EXD3: variants seen among roughly 807,000 people sequenced by gnomAD.
EXD3 encodes exonuclease mut-7 homolog.
EXD3 carries 92 observed loss-of-function variants against 98.0 expected under a neutral mutation model. The observed-to-expected ratio is 0.94, with a 90% CI of 0.79 to 1.12. The LOEUF (loss-of-function observed/expected upper bound fraction) is 1.12, where lower values mean the gene tolerates loss of function less well. EXD3 is among the 50% of genes most tolerant of loss of function. The pLI is 0.00. For missense variants in EXD3, 1,222 were observed against 1,191.6 expected (o/e 1.03, Z -0.38); for synonymous variants, 569 against 526.0 (o/e 1.08, Z -1.12).
In EXD3 at chr9:137,320,490, C is replaced by CGCT. The variant is rs1419355100; in HGVS notation, c.2184+3232_2184+3234dup. On this transcript the variant is annotated intron_variant, in intron 19 of 21. Coordinates refer to ENST00000340951, the MANE Select transcript of EXD3 (RefSeq NM_017820.5). ...CTACCTGCAGCCCCCCTGGGCCTGG[C>CGCT]GCTCCTGCTTGCCACAGCAGGGGCA... is the stretch of plus-strand genomic sequence containing the variant. Among the ~76,000 whole-genome samples the CGCT allele has an allele frequency of 3.9e-5, 6 of 152,334 alleles. No individual in the cohort carries two copies. The East Asian group carries it at 9.6e-4, about 24-fold the overall frequency.
intron 1 of EXD3, among the ~76,000 whole-genome samples, chr9:137,399,915 C>T (rs1001366501): frequency 2.0e-5 from 3 of 151,470 alleles, no homozygotes; most frequent in African/African-American, 7.3e-5. Context: ...TGGTGCCTCC[C>T]AGGTACTCAG....
At chr9:137,336,656 T>TAAA (rs34705760) in intron 17 of EXD3, among the ~76,000 whole-genome samples, 31 of 112,558 alleles carry the variant, frequency 2.8e-4, no homozygotes, top group Middle Eastern at 4.8e-3. Context: ...AGACTCCGTC[T>TAAA]AAAAAAAAAA....
intron 3 of EXD3, chr9:137,374,713 G>A (rs935150497): frequency 3.5e-5 from 34 of 985,394 alleles, no homozygotes; most frequent in Admixed American, 3.1e-4. Context: ...GATGCCCCTC[G>A]GGGAAAGTGG....
intron 1 of EXD3, among the ~76,000 whole-genome samples, chr9:137,398,781 C>A (rs1837343519): frequency 6.8e-6 from 1 of 147,464 alleles, no homozygotes; most frequent in South Asian, 2.2e-4. Context: ...CCCCGTGACA[C>A]ACAGGCACCC....
In EXD3 at chr9:137,368,048, G is replaced by A. The variant is rs543251769; in HGVS notation, c.463-59C>T. The A allele has an allele frequency of 2.9e-4, 405 of 1,413,272 alleles. 1 individual carries two copies. The East Asian group carries it at 8.8e-3, about 31-fold the overall frequency. The allele number at this position is 1,413,272 out of a possible 1,614,324, so 87.5% of individuals were successfully genotyped here. ...CCTGGGAGGGGCCAGGCAGCACGGC[G>A]GGTGAGGGGGCTACCACCCTTTTGC... On this transcript the variant is annotated intron_variant, in intron 5 of 21. Transcript: ENST00000340951.
At chr9:137,409,265 C>T (rs761099038) in intron 1 of EXD3, among the ~76,000 whole-genome samples, 3 of 152,338 alleles carry the variant, frequency 2.0e-5, no homozygotes, top group African/African-American at 4.8e-5. Flanking sequence ...CAGGACCCTT[C>T]GGAGTCCCAC....
At chr9:137,336,226 C>T (rs1292816326) in intron 17 of EXD3, among the ~76,000 whole-genome samples, 1 of 152,152 alleles carries the variant, frequency 6.6e-6, no homozygotes, top group Non-Finnish European at 1.5e-5. Context: ...AGTAACGTAT[C>T]AGACTTCATC....
chr9:137,412,151 G>A (rs1838035139), intron 1 of EXD3, among the ~76,000 whole-genome samples: 1 of 152,244 alleles, frequency 6.6e-6, no homozygotes, highest in Non-Finnish European at 1.5e-5. Flanking sequence ...GGGGGCTGGA[G>A]GCCGGCCTGA....
At chr9:137,390,013 TC>T (rs1564200856) in intron 2 of EXD3, among the ~76,000 whole-genome samples, 1 of 144,500 alleles carries the variant, frequency 6.9e-6, no homozygotes, top group Non-Finnish European at 1.5e-5. Flanking sequence ...TCCCAGCTAC[TC>T]AGGAAGCTGA....
At position 137,383,372 on chromosome 9, in the gene EXD3, C is replaced by A. The variant is rs1199505777; in HGVS notation, c.61G>T (p.Asp21Tyr). The part of the protein sequence containing the change: ...AAGERHRMGR[D>Y]PLLLLQALQT... ...AGGGCCTGCAGGAGCAGGAGGGGGT[C>A]CCGGCCTGTGGAGATAAGATAACAG... Residue 21 changes from aspartate (D) to tyrosine (Y), a missense_variant, in exon 3 of 22, where the codon GAC becomes TAC. Coordinates refer to ENST00000340951, the MANE Select transcript of EXD3 (RefSeq NM_017820.5). 6.5e-7 allele frequency: 1 copy of A among 1,549,834 alleles called. No homozygotes were observed. The highest frequency in any genetic ancestry group is 1.2e-5 in the South Asian group (1 of 83,908).
At chr9:137,340,885 T>G (rs1022850116) in intron 17 of EXD3, among the ~76,000 whole-genome samples, 1 of 152,142 alleles carries the variant, frequency 6.6e-6, no homozygotes, top group African/African-American at 2.4e-5. Flanking sequence ...CAAGCAACAC[T>G]GAATTGGTGA....
chr9:137,337,113 A>G (rs1384707327), intron 17 of EXD3, among the ~76,000 whole-genome samples: 1 of 152,208 alleles, frequency 6.6e-6, no homozygotes, highest in Non-Finnish European at 1.5e-5. Context: ...AATGTTAGTT[A>G]AAATATATTT....
chr9:137,406,548 C>T (rs528190274), intron 1 of EXD3, among the ~76,000 whole-genome samples: 1 of 152,314 alleles, frequency 6.6e-6, no homozygotes, highest in East Asian at 1.9e-4. Flanking sequence ...CCTGGCGTGC[C>T]CCGTGGCCGT....
chr9:137,390,737 G>C (rs9722971), intron 2 of EXD3, among the ~76,000 whole-genome samples: 70,595 of 152,010 alleles, frequency 0.46, 16,614 homozygotes, highest in Middle Eastern at 0.52. Context: ...CACAGCCCGA[G>C]GTTTGGCTCC....
rs200921596 is a variant in EXD3, at chr9:137,395,314, C to G, written c.44G>C (p.Arg15Pro). ...DPAGDPAAGERHRMGRDPLLL... is the reference protein window; with the variant it reads ...DPAGDPAAGEPHRMGRDPLLL... ...AGGCTCAGACTCACCCATGCGGTGG[C>G]GCTCGCCAGCGGCAGGGTCACCAGC... The change falls in exon 2 of 22, where the codon CGC becomes CCC. Residue 15 changes from arginine (R) to proline (P), a missense_variant. Coordinates refer to ENST00000340951, the MANE Select transcript of EXD3 (RefSeq NM_017820.5). The surrounding 1 kb of genome is among the most constrained non-coding windows in gnomAD (Gnocchi z 6.5). The G allele has an allele frequency of 6.2e-7, 1 of 1,613,250 alleles. No homozygotes were observed. Among genetic ancestry groups the G allele is most frequent in the South Asian group, 1.1e-5 (1 of 91,086 alleles).
In EXD3 at chr9:137,385,455, G is replaced by A. The variant is rs193238394; in HGVS notation, c.56-2078C>T. Among the ~76,000 whole-genome samples the A allele has an allele frequency of 3.0e-3, 460 of 152,334 alleles. 3 individuals are homozygous for A. The highest frequency in any genetic ancestry group is 3.3e-3 in the Non-Finnish European group (227 of 68,046). ...TGTGGTGTGTTCACGATCATGTGCC[G>A]AGCCGCATCATGTGCTCTGCGTTCC... is the stretch of plus-strand genomic sequence containing the variant. On this transcript the variant is annotated intron_variant, in intron 2 of 21. Coordinates refer to ENST00000340951, the MANE Select transcript of EXD3 (RefSeq NM_017820.5). The surrounding 1 kb of genome is among the most constrained non-coding windows in gnomAD (Gnocchi z 4.4).
At chr9:137,410,683 C>G (rs570501229) in intron 1 of EXD3, among the ~76,000 whole-genome samples, 2 of 152,260 alleles carry the variant, frequency 1.3e-5, no homozygotes, top group South Asian at 2.1e-4. Context: ...CCTACCCACA[C>G]GGGGCAGAAC....
At chr9:137,418,275 G>A (rs1838335203) in intron 1 of EXD3, among the ~76,000 whole-genome samples, 1 of 152,178 alleles carries the variant, frequency 6.6e-6, no homozygotes. Flanking sequence ...TTGAACCCGG[G>A]AAGCAGAGGT....
intron 7 of EXD3, chr9:137,365,719 CAT>C: frequency 6.4e-6 from 2 of 310,548 alleles, no homozygotes; most frequent in East Asian, 1.7e-4. Flanking sequence ...TGCACACACA[CAT>C]ACAAACACAC....
Sources: allele counts gnomAD v4.1 joint callset (sites outside exome capture counted in the v4.1 genomes callset), GRCh38; gene constraint gnomAD v4.1.1; non-coding constraint Gnocchi (gnomAD v3.1); transcripts MANE v1.5; gene names NCBI Gene and HGNC (gene_info 2026-07-23, HGNC 2026-07-21).